CPVL: variants seen among roughly 807,000 people sequenced by gnomAD.
CPVL encodes carboxypeptidase vitellogenic like.
Under a neutral mutation model 63.7 loss-of-function variants are expected in CPVL, and 51 were observed. The ratio of observed to expected loss-of-function variants is 0.80; its 90% CI spans 0.64 to 1.01. The LOEUF (loss-of-function observed/expected upper bound fraction) is 1.01, where lower values mean the gene tolerates loss of function less well. Ranked by LOEUF, CPVL falls within the 50% of genes least tolerant of loss-of-function variation. CPVL has a pLI of 0.00. For synonymous variants in CPVL, 195 were observed against 206.0 expected, an observed-to-expected ratio of 0.95 and a Z score of 0.46; for missense variants, 530 against 573.1, an observed-to-expected ratio of 0.92 and a Z score of 0.77.
intron 1 of CPVL, among the ~76,000 whole-genome samples, chr7:29,135,153 C>T (rs991615507): frequency 1.3e-5 from 2 of 149,462 alleles, no homozygotes; most frequent in Non-Finnish European, 3.0e-5. Context: ...AGAAATACTG[C>T]GAAAATATCT....
chr7:29,180,261 C>T (rs750382536), intron 5 of CPVL, among the ~76,000 whole-genome samples: 3 of 152,162 alleles, frequency 2.0e-5, no homozygotes, highest in Admixed American at 6.5e-5. Context: ...TGTGGTGGCT[C>T]ACGCCTGTAA....
At chr7:29,040,462 G>A (rs1051894967) in intron 11 of CPVL, among the ~76,000 whole-genome samples, 25 of 152,088 alleles carry the variant, frequency 1.6e-4, no homozygotes, top group African/African-American at 5.1e-4. Context: ...TCTCACTGTT[G>A]GCCATACTTC....
intron 1 of CPVL, among the ~76,000 whole-genome samples, chr7:29,127,749 C>T (rs1282861064): frequency 6.6e-6 from 1 of 152,150 alleles, no homozygotes; most frequent in Non-Finnish European, 1.5e-5. Context: ...CTGCCCTATA[C>T]CCAGAGGGAA....
At chr7:29,179,348 C>G (rs2128739872) in intron 5 of CPVL, among the ~76,000 whole-genome samples, 1 of 152,332 alleles carries the variant, frequency 6.6e-6, no homozygotes, top group South Asian at 2.1e-4. Flanking sequence ...GTTCTGCCTT[C>G]CTTCCCACAC....
chr7:29,102,629 C>T (rs1462879331), intron 3 of CPVL, among the ~76,000 whole-genome samples: 1 of 152,148 alleles, frequency 6.6e-6, no homozygotes, highest in Non-Finnish European at 1.5e-5. Flanking sequence ...AGTGAGAAGT[C>T]TCCCTAGCAA....
At chr7:29,160,106 C>T (rs931481122) in intron 5 of CPVL, among the ~76,000 whole-genome samples, 1 of 152,106 alleles carries the variant, frequency 6.6e-6, no homozygotes, top group Non-Finnish European at 1.5e-5. Context: ...ATAAAGAAAG[C>T]TCACTTTCCT....
At chr7:29,114,549 G>A (rs1009666317) in intron 2 of CPVL, among the ~76,000 whole-genome samples, 1 of 152,016 alleles carries the variant, frequency 6.6e-6, no homozygotes, top group Non-Finnish European at 1.5e-5. Context: ...AGGATCACTT[G>A]AGCCCAGGAG....
At chr7:29,032,411 A>G (rs2128155419) in intron 11 of CPVL, among the ~76,000 whole-genome samples, 1 of 152,278 alleles carries the variant, frequency 6.6e-6, no homozygotes, top group Non-Finnish European at 1.5e-5. Flanking sequence ...ATCCTGATAG[A>G]TTTAAAGCCT....
At chr7:29,130,161 G>A (rs977871589) in intron 1 of CPVL, among the ~76,000 whole-genome samples, 1 of 152,230 alleles carries the variant, frequency 6.6e-6, no homozygotes, top group Non-Finnish European at 1.5e-5. Flanking sequence ...CATGATTGGA[G>A]ATCAGGAAGA....
chr7:29,009,255 C>T (rs368915989), intron 12 of CPVL: 9 of 148,316 alleles, frequency 6.1e-5, no homozygotes, highest in East Asian at 5.9e-4. Flanking sequence ...GACTTTTAGA[C>T]GTGAGAAAGG....
chr7:29,144,995 T>C (rs1792325906), intron 1 of CPVL, among the ~76,000 whole-genome samples: 1 of 151,740 alleles, frequency 6.6e-6, no homozygotes, highest in East Asian at 1.9e-4. Flanking sequence ...AAACAACATC[T>C]GGTTAAGAAC....
chr7:29,119,774 G>A (rs1236042620), intron 2 of CPVL, among the ~76,000 whole-genome samples: 1 of 152,106 alleles, frequency 6.6e-6, no homozygotes, highest in Non-Finnish European at 1.5e-5. Flanking sequence ...CTGGATAACG[G>A]GGCACAGCAG....
intron 5 of CPVL, among the ~76,000 whole-genome samples, chr7:29,171,825 A>AGTT (rs1414421046): frequency 6.6e-6 from 1 of 152,196 alleles, no homozygotes; most frequent in Non-Finnish European, 1.5e-5. Context: ...TAAGAAATGA[A>AGTT]GTTGTTGTAG....
intron 1 of CPVL, among the ~76,000 whole-genome samples, chr7:29,139,265 C>T (rs1372342233): frequency 6.6e-6 from 1 of 152,228 alleles, no homozygotes. Flanking sequence ...CACTTCTCCC[C>T]TTGGACTTCA....
upstream of CPVL, chr7:29,195,383 C>A: frequency 4.5e-6 from 1 of 220,552 alleles, no homozygotes; most frequent in Non-Finnish European, 8.8e-6. Flanking sequence ...CGCCCGCTAC[C>A]CTGGACACCC....
At chr7:29,039,805 T>C (rs986427825) in intron 11 of CPVL, among the ~76,000 whole-genome samples, 4 of 152,198 alleles carry the variant, frequency 2.6e-5, no homozygotes, top group African/African-American at 4.8e-5. Flanking sequence ...GGAAAGCAAA[T>C]TGTGCTTTTG....
At chr7:29,130,406 CAG>C (rs1024148878) in intron 1 of CPVL, among the ~76,000 whole-genome samples, 1 of 152,046 alleles carries the variant, frequency 6.6e-6, no homozygotes, top group African/African-American at 2.4e-5. Context: ...ATAATATAGA[CAG>C]ATTTTATCTG....
intron 4 of CPVL, 74 bp from the exon 5 acceptor site, chr7:29,095,216 G>T: frequency 1.7e-6 from 2 of 1,209,456 alleles, no homozygotes; most frequent in South Asian, 1.2e-5. Context: ...GTGGTCAGAA[G>T]CCCAACACAC....
At chr7:29,102,529 A>G (rs1275864838) in intron 3 of CPVL, among the ~76,000 whole-genome samples, 1 of 152,346 alleles carries the variant, frequency 6.6e-6, no homozygotes, top group East Asian at 1.9e-4. Flanking sequence ...CTTAAAGGTC[A>G]AAGTCCTGCA....
Sources: gnomAD v4.1 joint callset for allele counts (sites outside exome capture counted in the v4.1 genomes callset) on GRCh38, gnomAD v4.1.1 for gene constraint, MANE v1.5 for transcripts, NCBI Gene and HGNC (gene_info 2026-07-23, HGNC 2026-07-21) for gene names.